SV2C: variants seen among roughly 807,000 people sequenced by gnomAD.
SV2C encodes the protein solute carrier family 22 member B3.
A neutral mutation model predicts 79.7 loss-of-function variants in SV2C; 49 were observed. The observed-to-expected ratio is 0.61, with a 90% CI of 0.49 to 0.78. SV2C has a LOEUF of 0.78. Among genes scored for constraint, SV2C ranks in the 30% least tolerant of loss-of-function variants. SV2C has a pLI of 0.00. For synonymous variants in SV2C, 334 were observed against 333.2 expected, an observed-to-expected ratio of 1.00 and a Z score of -0.03; for missense variants, 833 against 912.9, an observed-to-expected ratio of 0.91 and a Z score of 1.13.
At chr5:76,037,559 G>A in the SV2C span, among the ~76,000 whole-genome samples, 1 of 152,152 alleles carries the variant, frequency 6.6e-6, no homozygotes, top group Non-Finnish European at 1.5e-5. Context: ...AGGCTGCTCG[G>A]GGGTCAGGGG....
At chr5:75,920,851 G>T in the SV2C span, 5 of 761,548 alleles carry the variant, frequency 6.6e-6, no homozygotes, top group East Asian at 9.8e-5. Flanking sequence ...TTGTCCACAG[G>T]GTGAATCTTA....
chr5:76,084,301 A>G (rs2112081169), intron 1 of SV2C: 1 of 152,398 alleles, frequency 6.6e-6, no homozygotes, highest in East Asian at 1.9e-4. Flanking sequence ...ATCGCAGTAA[A>G]TAAGCTACCG....
chr5:76,313,989 A>C (rs1373999079), intron 12 of SV2C, among the ~76,000 whole-genome samples: 1 of 152,186 alleles, frequency 6.6e-6, no homozygotes, highest in Non-Finnish European at 1.5e-5. Context: ...CATTAGAGAC[A>C]ATTTATCTAT....
At chr5:76,067,371 A>T in the SV2C span, among the ~76,000 whole-genome samples, 1 of 151,976 alleles carries the variant, frequency 6.6e-6, no homozygotes, top group Non-Finnish European at 1.5e-5. Flanking sequence ...GACTTAAAAA[A>T]GTCTCTTTGT....
At chr5:76,337,827 GCTCT>G (rs973569726), downstream of SV2C, among the ~76,000 whole-genome samples, 20 of 152,186 alleles carry the variant, frequency 1.3e-4, no homozygotes, top group East Asian at 7.7e-4. Flanking sequence ...ATGAGAATGT[GCTCT>G]CTCTGCACAG....
chr5:76,058,591 G>T, the SV2C span, among the ~76,000 whole-genome samples: 11 of 152,198 alleles, frequency 7.2e-5, no homozygotes, highest in East Asian at 7.7e-4. Flanking sequence ...CATAGATTAA[G>T]AATCTCTTAA....
At chr5:75,982,630 T>G in the SV2C span, among the ~76,000 whole-genome samples, 1 of 152,228 alleles carries the variant, frequency 6.6e-6, no homozygotes, top group African/African-American at 2.4e-5. Context: ...CCCAAAGGAA[T>G]ATAAATCATT....
the SV2C span, among the ~76,000 whole-genome samples, chr5:76,064,746 A>T: frequency 7.6e-4 from 116 of 152,168 alleles, no homozygotes; most frequent in Non-Finnish European, 1.3e-3. Flanking sequence ...CAGAAGGTTA[A>T]GGTCAACCTT....
chr5:76,175,620 C>G (rs193151227), intron 2 of SV2C, among the ~76,000 whole-genome samples: 29 of 152,282 alleles, frequency 1.9e-4, no homozygotes, highest in Admixed American at 1.6e-3. Flanking sequence ...ACTTTTAACA[C>G]GAATCCTGAG....
At chr5:76,265,468 T>TCACTGGGGTTCCAGGTGC in intron 4 of SV2C, among the ~76,000 whole-genome samples, 1 of 152,114 alleles carries the variant, frequency 6.6e-6, no homozygotes, top group Non-Finnish European at 1.5e-5. Context: ...TGGTTCTGTC[T>TCACTGGGGTTCCAGGTGC]CACTGGGGTT....
chr5:76,024,242 G>A, the SV2C span, among the ~76,000 whole-genome samples: 5 of 152,226 alleles, frequency 3.3e-5, 1 homozygote, highest in African/African-American at 1.2e-4. Flanking sequence ...ACAGCTTGTA[G>A]CAATTTACAT....
At chr5:76,125,027 A>G (rs1289208556) in intron 1 of SV2C, among the ~76,000 whole-genome samples, 1 of 152,200 alleles carries the variant, frequency 6.6e-6, no homozygotes, top group Admixed American at 6.5e-5. Flanking sequence ...GATTTCACTA[A>G]TCTGGGGTTT....
chr5:76,050,029 C>A, the SV2C span, among the ~76,000 whole-genome samples: 1 of 152,186 alleles, frequency 6.6e-6, no homozygotes, highest in African/African-American at 2.4e-5. Context: ...CTTCTCCATG[C>A]TTTGAATTCC....
At chr5:76,064,395 G>C in the SV2C span, among the ~76,000 whole-genome samples, 1 of 152,116 alleles carries the variant, frequency 6.6e-6, no homozygotes, top group African/African-American at 2.4e-5. Flanking sequence ...AAACAAACAA[G>C]CAAAAGCAAC....
intron 3 of SV2C, among the ~76,000 whole-genome samples, chr5:76,197,022 G>T (rs1744290627): frequency 6.6e-6 from 1 of 152,182 alleles, no homozygotes; most frequent in South Asian, 2.1e-4. Flanking sequence ...AACAGGTCAG[G>T]ACTCCCGGGG....
chr5:76,153,117 C>G (rs1561239459), intron 2 of SV2C, among the ~76,000 whole-genome samples: 1 of 152,258 alleles, frequency 6.6e-6, no homozygotes, highest in East Asian at 1.9e-4. Flanking sequence ...TCCTCCAAAC[C>G]CTCTGGGGCA....
At chr5:76,239,306 G>C (rs1306748100) in intron 4 of SV2C, among the ~76,000 whole-genome samples, 2 of 152,204 alleles carry the variant, frequency 1.3e-5, no homozygotes, top group African/African-American at 4.8e-5. Flanking sequence ...CCATTGAGCA[G>C]TCAAGAATAA....
chr5:76,270,083 G>A (rs1304496434), intron 4 of SV2C, among the ~76,000 whole-genome samples: 3 of 152,190 alleles, frequency 2.0e-5, no homozygotes, highest in South Asian at 4.2e-4. Context: ...AAGAAAAATA[G>A]CATTTGAATG....
chr5:75,938,609 G>T, the SV2C span, among the ~76,000 whole-genome samples: 2 of 152,152 alleles, frequency 1.3e-5, no homozygotes, highest in African/African-American at 4.8e-5. Context: ...TGAATCAGTG[G>T]TACCAGAGCT....
Sources: gnomAD v4.1 joint callset for allele counts (sites outside exome capture counted in the v4.1 genomes callset) on GRCh38, gnomAD v4.1.1 for gene constraint, MANE v1.5 for transcripts, NCBI Gene and HGNC (gene_info 2026-07-23, HGNC 2026-07-21) for gene names.